The following SGPP2 variants were observed in gnomAD, a reference collection of about 807,000 sequenced individuals.
SGPP2 encodes the protein sphingosine-1-phosphate phosphatase 2.
A neutral mutation model predicts 33.9 loss-of-function variants in SGPP2; 30 were observed. The ratio of observed to expected loss-of-function variants is 0.89; its 90% CI spans 0.66 to 1.20. SGPP2 has a LOEUF of 1.20. Among genes scored for constraint, SGPP2 ranks in the 50% most tolerant of loss-of-function variants. The probability of loss-of-function intolerance (pLI) is 0.00; values close to 1 mark genes in which losing one functional copy is unlikely to be tolerated. For missense variants in SGPP2, 458 were observed against 532.1 expected (o/e 0.86, Z 1.37); for synonymous variants, 233 against 225.0 (o/e 1.04, Z -0.32).
At chr2:222,554,140 C>T (rs1433406586) in intron 4 of SGPP2, among the ~76,000 whole-genome samples, 4 of 152,240 alleles carry the variant, frequency 2.6e-5, no homozygotes, top group Non-Finnish European at 4.4e-5. Flanking sequence ...AAAAGGTACA[C>T]AGGGCATCCT....
intron 2 of SGPP2, among the ~76,000 whole-genome samples, chr2:222,520,756 C>T (rs1198211274): frequency 2.0e-5 from 3 of 148,004 alleles, no homozygotes; most frequent in Non-Finnish European, 3.0e-5. Context: ...CCCTCCATAT[C>T]GAGCCCTTTT....
intron 1 of SGPP2, among the ~76,000 whole-genome samples, chr2:222,433,339 G>T (rs1697186881): frequency 6.6e-6 from 1 of 152,154 alleles, no homozygotes; most frequent in Non-Finnish European, 1.5e-5. Context: ...GAGGGAGCCT[G>T]TGGGGATCTC....
rs574193341 is a variant in SGPP2 at position 222,562,266 on chromosome 2, A to G, written c.*3368A>G. On this transcript the variant is annotated 3_prime_UTR_variant, in exon 5 of 5. Coordinates refer to ENST00000321276, the MANE Select transcript of SGPP2 (RefSeq NM_152386.4). Reference sequence around the variant, plus strand: ...TGTGGGCCAAGCCATCCATCTTGCAATCTTCATCTAAAACAGCTCTCATTT... The same window carrying G: ...TGTGGGCCAAGCCATCCATCTTGCAGTCTTCATCTAAAACAGCTCTCATTT... Among the ~76,000 whole-genome samples the G allele has an allele frequency of 1.3e-5, 2 of 152,290 alleles. No homozygotes were observed. Among genetic ancestry groups the G allele is most frequent in the South Asian group, 4.2e-4 (2 of 4,818 alleles).
At chr2:222,534,414 ATAAT>A (rs1698883339) in intron 4 of SGPP2, among the ~76,000 whole-genome samples, 2 of 152,150 alleles carry the variant, frequency 1.3e-5, no homozygotes, top group South Asian at 4.1e-4. Context: ...TGATCTCTGG[ATAAT>A]TACACAGATA....
Position 222,424,623 on chromosome 2 carries a change from C to A in SGPP2, c.21C>A (p.Ser7Arg). 7.1e-7 allele frequency: 1 copy of A among 1,399,020 alleles called. No homozygotes were observed. The highest frequency in any genetic ancestry group is 9.3e-7 in the Non-Finnish European group (1 of 1,072,392). 86.7% of individuals were successfully genotyped at this position (1,399,020 alleles called of 1,614,324 possible). ...ACACCATGGCCGAGCTGCTGCGGAGCCTGCAGGATTCCCAGCTCGTCGCCC... is the reference window on the plus strand; with the variant it reads ...ACACCATGGCCGAGCTGCTGCGGAGACTGCAGGATTCCCAGCTCGTCGCCC... Reference protein sequence around the residue: MAELLRSLQDSQLVARF... With the variant: MAELLRRLQDSQLVARF... The change falls in exon 1 of 5, where the codon AGC (serine) becomes AGA (arginine). Residue 7 changes from serine (S) to arginine (R), a missense_variant. Coordinates refer to ENST00000321276, the MANE Select transcript of SGPP2 (RefSeq NM_152386.4).
At chr2:222,526,685 G>A (rs1240295245) in intron 4 of SGPP2, among the ~76,000 whole-genome samples, 1 of 152,222 alleles carries the variant, frequency 6.6e-6, no homozygotes, top group Non-Finnish European at 1.5e-5. Context: ...ATACTATGCA[G>A]CCATGAAAAG....
chr2:222,538,773 G>A (rs929113634), intron 4 of SGPP2, among the ~76,000 whole-genome samples: 1 of 152,064 alleles, frequency 6.6e-6, no homozygotes, highest in South Asian at 2.1e-4. Flanking sequence ...AGAGTGGGGA[G>A]GTGCCACACA....
At chr2:222,503,078 C>A (rs554938103) in intron 2 of SGPP2, among the ~76,000 whole-genome samples, 1 of 152,320 alleles carries the variant, frequency 6.6e-6, no homozygotes, top group South Asian at 2.1e-4. Flanking sequence ...TTACTCTAAT[C>A]ACCTGCTGTT....
chr2:222,468,906 C>G (rs1697796217), intron 1 of SGPP2, among the ~76,000 whole-genome samples: 1 of 152,054 alleles, frequency 6.6e-6, no homozygotes, highest in Non-Finnish European at 1.5e-5. Context: ...GAAAAAATCC[C>G]ATTTTAGGGA....
intron 2 of SGPP2, among the ~76,000 whole-genome samples, chr2:222,503,177 G>C (rs997666684): frequency 6.6e-6 from 1 of 152,042 alleles, no homozygotes; most frequent in Non-Finnish European, 1.5e-5. Flanking sequence ...AGCCCATTCA[G>C]GAAAAACAAC....
chr2:222,553,363 A>G (rs1456533090), intron 4 of SGPP2, among the ~76,000 whole-genome samples: 1 of 152,222 alleles, frequency 6.6e-6, no homozygotes, highest in Non-Finnish European at 1.5e-5. Flanking sequence ...GGGAAAAGCA[A>G]ATAGACGTAT....
At chr2:222,440,150 G>A (rs1697302677) in intron 1 of SGPP2, among the ~76,000 whole-genome samples, 1 of 152,236 alleles carries the variant, frequency 6.6e-6, no homozygotes, top group Non-Finnish European at 1.5e-5. Flanking sequence ...GCATTTGGGA[G>A]AAGGTGGCTT....
chr2:222,453,666 T>C (rs987840736), intron 1 of SGPP2, among the ~76,000 whole-genome samples: 2 of 152,232 alleles, frequency 1.3e-5, no homozygotes, highest in Non-Finnish European at 2.9e-5. Flanking sequence ...TTTTCTTTTC[T>C]CTAGATTACT....
intron 1 of SGPP2, among the ~76,000 whole-genome samples, chr2:222,461,441 G>GT (rs1559150113): frequency 1.3e-4 from 20 of 152,140 alleles, no homozygotes. Context: ...GACTGGGCAG[G>GT]TGGGGGGATG....
At chr2:222,548,712 A>G (rs1689243350) in intron 4 of SGPP2, among the ~76,000 whole-genome samples, 1 of 152,176 alleles carries the variant, frequency 6.6e-6, no homozygotes, top group South Asian at 2.1e-4. Context: ...GGAAATTAAT[A>G]TTTTTGAACT....
intron 4 of SGPP2, among the ~76,000 whole-genome samples, chr2:222,556,612 C>G (rs1235998179): frequency 2.0e-5 from 2 of 98,110 alleles, no homozygotes. Context: ...CCCCATCCCC[C>G]CTCACTCCTC....
At chr2:222,522,180 T>C (rs1490484550) in intron 3 of SGPP2, among the ~76,000 whole-genome samples, 1 of 152,256 alleles carries the variant, frequency 6.6e-6, no homozygotes, top group African/African-American at 2.4e-5. Context: ...ATATTAATAA[T>C]GACACCAGGA....
At chr2:222,556,221 C>G (rs565933513) in intron 4 of SGPP2, among the ~76,000 whole-genome samples, 1 of 152,034 alleles carries the variant, frequency 6.6e-6, no homozygotes, top group Non-Finnish European at 1.5e-5. Flanking sequence ...TTTTGGTAAC[C>G]AAGAAGCCTA....
chr2:222,474,058 A>G (rs1410080939), intron 1 of SGPP2, among the ~76,000 whole-genome samples: 1 of 152,254 alleles, frequency 6.6e-6, no homozygotes, highest in Non-Finnish European at 1.5e-5. Context: ...ATATGTATAA[A>G]AATATTACAT....
Sources: allele counts gnomAD v4.1 joint callset (sites outside exome capture counted in the v4.1 genomes callset), GRCh38; gene constraint gnomAD v4.1.1; transcripts MANE v1.5; gene names NCBI Gene and HGNC (gene_info 2026-07-23, HGNC 2026-07-21).